The following RAB8A variants were observed in gnomAD, a reference collection of about 807,000 sequenced individuals.
RAB8A encodes RAB8A, member RAS oncogene family, also known as ras-related protein Rab-8A.
In RAB8A, 5 loss-of-function variants were observed where a neutral mutation model predicts 29.2. The ratio of observed to expected loss-of-function variants is 0.17; its 90% CI spans 0.09 to 0.36. RAB8A has a LOEUF of 0.36. Ranked by LOEUF, RAB8A falls within the 10% of genes least tolerant of loss-of-function variation. The pLI is 1.00. For synonymous variants in RAB8A, 108 were observed against 99.9 expected (o/e 1.08, Z -0.49); for missense variants, 171 against 272.2 (o/e 0.63, Z 2.62).
In RAB8A at chr19:16,121,691, C is replaced by T. The variant is rs1433235861; in HGVS notation, c.186-59C>T. The T allele has an allele frequency of 2.7e-6, 4 of 1,504,452 alleles. No homozygotes were observed. The Admixed American group carries it at 6.8e-5, about 26-fold the overall frequency. The allele number at this position is 1,504,452 out of a possible 1,614,324, so 93.2% of individuals were successfully genotyped here. ...CATCCCGGGTAGATGCTCCTTGTCT[C>T]CTACTGAGGACAGTTATTTTCCTTT... is the stretch of plus-strand genomic sequence containing the variant. On this transcript the variant is annotated intron_variant, in intron 2 of 7. Coordinates refer to ENST00000300935, the MANE Select transcript of RAB8A (RefSeq NM_005370.5).
intron 3 of RAB8A, among the ~76,000 whole-genome samples, chr19:16,123,068 C>G (rs531335323): frequency 2.0e-5 from 3 of 152,208 alleles, no homozygotes; most frequent in African/African-American, 7.2e-5. Context: ...GGCTGTGAAC[C>G]TCTTTGTGCA....
chr19:16,120,009 C>T (rs533369008), intron 2 of RAB8A, among the ~76,000 whole-genome samples: 30 of 152,074 alleles, frequency 2.0e-4, no homozygotes, highest in African/African-American at 7.0e-4. Flanking sequence ...GACGGGGTTT[C>T]GCCATGTTGG....
chr19:16,126,026 C>G (rs1243541412), intron 4 of RAB8A: 1 of 209,460 alleles, frequency 4.8e-6, no homozygotes, highest in Admixed American at 4.8e-5. Context: ...CCCCTCCTCC[C>G]CTCCCAAAGC....
intron 1 of RAB8A, among the ~76,000 whole-genome samples, chr19:16,117,617 C>T (rs963750226): frequency 1.1e-3 from 163 of 151,778 alleles, no homozygotes; most frequent in African/African-American, 3.6e-3. Context: ...AAGGTGGCTG[C>T]GAGGTCACCG....
chr19:16,123,141 G>A (rs1021630142), intron 3 of RAB8A, among the ~76,000 whole-genome samples: 4 of 152,170 alleles, frequency 2.6e-5, no homozygotes, highest in African/African-American at 7.2e-5. Flanking sequence ...GGCCTGCCCC[G>A]CTGAAGTTCA....
rs2090880462 is a variant in RAB8A, at chr19:16,122,702, A to G, written c.246+892A>G. On this transcript the variant is annotated intron_variant, in intron 3 of 7. Transcript: ENST00000300935. This position sits in a 1 kb window ranked among gnomAD's most constrained non-coding sequence, Gnocchi z 4.7. ...CCTGCTGGGTCTGCAGTAGTTGCTC[A>G]GGAAAGACTTGTGGAGGGTGGAGAT... is the stretch of plus-strand genomic sequence containing the variant. Among the ~76,000 whole-genome samples the G allele has an allele frequency of 6.6e-6, 1 of 152,192 alleles. No individual in the cohort carries two copies. The highest frequency in any genetic ancestry group is 2.4e-5 in the African/African-American group (1 of 41,450).
intron 1 of RAB8A, among the ~76,000 whole-genome samples, chr19:16,114,390 T>C (rs1417058692): frequency 1.3e-5 from 2 of 148,612 alleles, no homozygotes; most frequent in Non-Finnish European, 3.0e-5. Context: ...TTTTTTTTTT[T>C]TTTTTTGAGA....
chr19:16,131,602 G>T (rs2090924640), intron 7 of RAB8A, among the ~76,000 whole-genome samples: 1 of 151,840 alleles, frequency 6.6e-6, no homozygotes, highest in South Asian at 2.1e-4. Flanking sequence ...TGGATGGATG[G>T]TTGGAAAGGG....
intron 2 of RAB8A, among the ~76,000 whole-genome samples, chr19:16,120,359 C>T (rs901385985): frequency 3.4e-5 from 5 of 145,530 alleles, no homozygotes; most frequent in African/African-American, 1.3e-4. Flanking sequence ...GTCACCCAGG[C>T]TGGAGTGCAG....
At position 16,127,760 on chromosome 19, in the gene RAB8A, C is replaced by T. The variant is rs1332915443; in HGVS notation, c.414+234C>T. On this transcript the variant is annotated intron_variant, in intron 5 of 7. Coordinates refer to ENST00000300935, the MANE Select transcript of RAB8A (RefSeq NM_005370.5). This position sits in a 1 kb window ranked among gnomAD's most constrained non-coding sequence, Gnocchi z 4.8. ...CTCCAGACTTTCAAGACCACAGGAG[C>T]GGGGAACAGAGCCATAGTTTGATCC... is the stretch of plus-strand genomic sequence containing the variant. 1.5e-5 allele frequency: 9 copies of T among 605,784 alleles called. No individual in the cohort carries two copies. The highest frequency in any genetic ancestry group is 3.9e-5 in the South Asian group (2 of 51,218). 37.5% of individuals were successfully genotyped at this position (605,784 alleles called of 1,614,324 possible).
intron 7 of RAB8A, 104 bp downstream of exon 7, chr19:16,129,708 C>G: frequency 8.9e-7 from 1 of 1,125,056 alleles, no homozygotes; most frequent in Non-Finnish European, 1.3e-6. Flanking sequence ...TTTTAGGGCC[C>G]AGCCAGACCC....
Position 16,127,835 on chromosome 19 carries a change from C to CTGAGG in RAB8A, c.415-191_415-190insTGAGG. ...TCTCAGCTGCCATCCCCAGCAACTC[C>CTGAGG]ATGCCCTGTGAGGCCCTGTGGAGGG... On this transcript the variant is annotated intron_variant, in intron 5 of 7. Transcript: ENST00000300935. This position sits in a 1 kb window ranked among gnomAD's most constrained non-coding sequence, Gnocchi z 4.8. The CTGAGG allele has an allele frequency of 1.5e-6, 1 of 660,794 alleles. No individual in the cohort carries two copies. Among genetic ancestry groups the CTGAGG allele is most frequent in the African/African-American group, 1.8e-5 (1 of 56,372 alleles). The allele number at this position is 660,794 out of a possible 1,614,324, so 40.9% of individuals were successfully genotyped here.
At chr19:16,124,973 G>C (rs1315988326) in intron 3 of RAB8A, 1 of 204,558 alleles carries the variant, frequency 4.9e-6, no homozygotes, top group Non-Finnish European at 1.0e-5. Context: ...GGGGTCACTG[G>C]AAGTTGTGTG....
At chr19:16,128,362 C>T (rs1031722118) in intron 6 of RAB8A, among the ~76,000 whole-genome samples, 2 of 152,144 alleles carry the variant, frequency 1.3e-5, no homozygotes, top group African/African-American at 2.4e-5. Flanking sequence ...GGAATAGGCA[C>T]GGTTTTACAG....
rs759590418 is a variant in RAB8A at position 16,127,534 on chromosome 19, T to A, written c.414+8T>A. On this transcript the variant is annotated splice_region_variant and intron_variant, in intron 5 of 7. Transcript: ENST00000300935. This position sits in a 1 kb window ranked among gnomAD's most constrained non-coding sequence, Gnocchi z 4.8. ...AAGGAACGGGGAGAAAAGGTGGGCA[T>A]GGTGGCACAAGGGGCAGAGGGCCTC... 6.6e-7 allele frequency: 1 copy of A among 1,517,342 alleles called. No individual in the cohort carries two copies. The highest frequency in any genetic ancestry group is 2.2e-5 in the Admixed American group (1 of 44,540). The allele number at this position is 1,517,342 out of a possible 1,614,324, so 94.0% of individuals were successfully genotyped here.
intron 7 of RAB8A, among the ~76,000 whole-genome samples, chr19:16,131,591 GTGGATGGATGGTTGGAAAGGGA>G (rs1322381968): frequency 1.3e-5 from 2 of 151,372 alleles, no homozygotes; most frequent in Non-Finnish European, 2.9e-5. Flanking sequence ...AGATGGATGG[GTGGATGGATGGTTGGAAAGGGA>G]TGGATGGATG....
Position 16,132,556 on chromosome 19 carries a change from A to T in RAB8A, c.*252A>T, listed in dbSNP as rs1470660723. ...ACATCTGCTGAACGGGCCCACCCAC[A>T]CGTTGTATATTCAGAGAGAGAGAGG... On this transcript the variant is annotated 3_prime_UTR_variant, in exon 8 of 8. Transcript: ENST00000300935. This position sits in a 1 kb window ranked among gnomAD's most constrained non-coding sequence, Gnocchi z 5.6. The T allele has an allele frequency of 2.0e-6, 1 of 497,382 alleles. No homozygotes were observed. The highest frequency in any genetic ancestry group is 3.7e-6 in the Non-Finnish European group (1 of 273,016). 30.8% of individuals were successfully genotyped at this position (497,382 alleles called of 1,614,324 possible).
chr19:16,120,803 G>A (rs1349446383), intron 2 of RAB8A, among the ~76,000 whole-genome samples: 1 of 151,786 alleles, frequency 6.6e-6, no homozygotes, highest in Non-Finnish European at 1.5e-5. Flanking sequence ...TAGAGATGAG[G>A]TTTCATTGTG....
chr19:16,118,404 C>T (rs1208602095), intron 2 of RAB8A, 118 bp downstream of exon 2: 17 of 893,608 alleles, frequency 1.9e-5, no homozygotes, highest in East Asian at 1.3e-4. Context: ...GGTGCCCAGT[C>T]CTGGCACATG....
Sources: gnomAD v4.1 joint callset for allele counts (sites outside exome capture counted in the v4.1 genomes callset) on GRCh38, gnomAD v4.1.1 for gene constraint, Gnocchi (gnomAD v3.1) non-coding constraint, MANE v1.5 for transcripts, NCBI Gene and HGNC (gene_info 2026-07-23, HGNC 2026-07-21) for gene names.